PCDHA1: variants seen among roughly 807,000 people sequenced by gnomAD.
The protein encoded by PCDHA1 is protocadherin alpha 1.
Under a neutral mutation model 61.3 loss-of-function variants are expected in PCDHA1, and 42 were observed. The ratio of observed to expected loss-of-function variants is 0.69; its 90% CI spans 0.54 to 0.89. The LOEUF is 0.89. Ranked by LOEUF, PCDHA1 falls within the 40% of genes least tolerant of loss-of-function variation. The probability of loss-of-function intolerance (pLI) is 0.00; values close to 1 mark genes in which losing one functional copy is unlikely to be tolerated. For synonymous variants in PCDHA1, 610 were observed against 553.8 expected, an observed-to-expected ratio of 1.10 and a Z score of -1.43; for missense variants, 1,256 against 1,235.3, an observed-to-expected ratio of 1.02 and a Z score of -0.25.
intron 1 of PCDHA1, chr5:140,850,568 G>T (rs2150489760): frequency 1.3e-6 from 2 of 1,598,448 alleles, no homozygotes; most frequent in South Asian, 2.2e-5. Context: ...GCCCCGAGGT[G>T]ACGCTGGTGG....
chr5:140,801,731 T>G, intron 1 of PCDHA1: 5 of 1,614,130 alleles, frequency 3.1e-6, no homozygotes, highest in Non-Finnish European at 4.2e-6. Flanking sequence ...CTGAATATTT[T>G]ACCTTGGACG....
At chr5:140,845,025 G>A (rs1779666608) in intron 1 of PCDHA1, among the ~76,000 whole-genome samples, 1 of 149,154 alleles carries the variant, frequency 6.7e-6, no homozygotes, top group African/African-American at 2.5e-5. Flanking sequence ...TCATTTATGG[G>A]CATATTTTAG....
In PCDHA1 at chr5:140,846,979, A is replaced by G. The variant is rs2150396342; in HGVS notation, c.2394+58295A>G. On this transcript the variant is annotated intron_variant, in intron 1 of 3. Transcript: ENST00000504120. ...GTGTTTCAGTGGTTTTAAAATAAGT[A>G]AGTTCCCCCCGGGAGAATATTGAGA... Among the ~76,000 whole-genome samples, 3 of 149,618 alleles carry G rather than the reference A, an allele frequency of 2.0e-5. 1 individual carries two copies. The highest frequency in any genetic ancestry group is 3.0e-5 in the Non-Finnish European group (2 of 66,912).
chr5:140,824,222 C>G (rs2150133268), intron 1 of PCDHA1: 1 of 1,556,634 alleles, frequency 6.4e-7, no homozygotes, highest in South Asian at 1.1e-5. Context: ...AAAATTATGT[C>G]TTAGTACACA....
At chr5:140,877,010 A>T (rs1177640704) in intron 1 of PCDHA1, 2 of 1,612,296 alleles carry the variant, frequency 1.2e-6, no homozygotes, top group African/African-American at 2.7e-5. Context: ...GTGCACGCGG[A>T]GAGCGGCAAG....
intron 1 of PCDHA1, chr5:140,852,917 T>A: frequency 1.3e-6 from 1 of 767,560 alleles, no homozygotes; most frequent in Non-Finnish European, 1.6e-6. Context: ...CTCGCTCTGT[T>A]GCCCAGGCTG....
intron 1 of PCDHA1, chr5:140,877,829 C>T (rs1554170159): frequency 1.9e-6 from 3 of 1,594,494 alleles, no homozygotes; most frequent in Non-Finnish European, 2.6e-6. Context: ...TGTTTAAATC[C>T]TCCCAGTGAA....
chr5:140,849,977 G>T (rs2150461190), intron 1 of PCDHA1: 15 of 1,597,540 alleles, frequency 9.4e-6, no homozygotes, highest in East Asian at 4.5e-5. Context: ...CCTACTCGCT[G>T]GTGGAGCGGC....
intron 1 of PCDHA1, among the ~76,000 whole-genome samples, chr5:140,798,031 A>G (rs532072029): frequency 1.3e-5 from 2 of 151,862 alleles, no homozygotes; most frequent in East Asian, 3.9e-4. Flanking sequence ...TTCTTTTTTA[A>G]ATTTTTTATT....
rs782154101 is a variant in PCDHA1, at chr5:140,809,372, G to C, written c.2394+20688G>C. On this transcript the variant is annotated intron_variant, in intron 1 of 3. Coordinates refer to ENST00000504120, the MANE Select transcript of PCDHA1 (RefSeq NM_018900.4). ...GCTGCGGTGCTCTGCGCTGCCCACCGAGGGCGCGTGCGCTCCGGGCAAGCC... is the reference window on the plus strand; with the variant it reads ...GCTGCGGTGCTCTGCGCTGCCCACCCAGGGCGCGTGCGCTCCGGGCAAGCC... 5.0e-6 allele frequency: 8 copies of C among 1,614,010 alleles called. No individual in the cohort carries two copies. The East Asian group carries it at 6.7e-5, about 13-fold the overall frequency.
chr5:140,803,295 T>G, intron 1 of PCDHA1: 1 of 1,614,088 alleles, frequency 6.2e-7, no homozygotes. Flanking sequence ...CAACGTGTAC[T>G]TGATCGTCGC....
chr5:140,909,690 G>T (rs2074638063), intron 1 of PCDHA1, among the ~76,000 whole-genome samples: 1 of 152,280 alleles, frequency 6.6e-6, no homozygotes, highest in African/African-American at 2.4e-5. Context: ...CAATGTGGGG[G>T]TTCTGCTAGC....
chr5:140,904,265 T>C (rs2070995327), intron 1 of PCDHA1, among the ~76,000 whole-genome samples: 1 of 152,118 alleles, frequency 6.6e-6, no homozygotes, highest in Non-Finnish European at 1.5e-5. Context: ...CTCCCACTTA[T>C]GAATGAGAAC....
At chr5:140,809,043 G>A (rs1311161177) in intron 1 of PCDHA1, 1 of 1,613,854 alleles carries the variant, frequency 6.2e-7, no homozygotes, top group Non-Finnish European at 8.5e-7. Context: ...GGTGGCGCGC[G>A]CATCCCGTTC....
chr5:140,848,406 G>C, intron 1 of PCDHA1: 2 of 1,338,990 alleles, frequency 1.5e-6, no homozygotes, highest in Admixed American at 4.3e-5. Context: ...GAACGATGGC[G>C]AACACAGCAG....
chr5:140,993,380 C>G (rs1304300325), intron 3 of PCDHA1, among the ~76,000 whole-genome samples: 1 of 151,860 alleles, frequency 6.6e-6, no homozygotes, highest in Non-Finnish European at 1.5e-5. Context: ...CCAGCCGGGT[C>G]CCTGAAACTC....
chr5:141,007,349 G>C (rs532404832), intron 3 of PCDHA1, among the ~76,000 whole-genome samples: 204 of 144,744 alleles, frequency 1.4e-3, no homozygotes, highest in Middle Eastern at 0.011. Flanking sequence ...TCAGGAGTTC[G>C]AGACCAGCCT....
rs2150416321 is a variant in PCDHA1 at position 140,848,658 on chromosome 5, G to C, written c.2394+59974G>C. On this transcript the variant is annotated intron_variant, in intron 1 of 3. Coordinates refer to ENST00000504120, the MANE Select transcript of PCDHA1 (RefSeq NM_018900.4). ...CCGCATCGCGCAGGACCTGGGGCTG[G>C]AGCTGGCGGAGCTGGTGCCGCGCCT... The C allele has an allele frequency of 2.5e-6, 4 of 1,592,362 alleles. No homozygotes were observed. The highest frequency in any genetic ancestry group is 4.5e-5 in the East Asian group (2 of 44,824).
At chr5:140,814,028 A>G (rs1469923006) in intron 1 of PCDHA1, 2 of 152,870 alleles carry the variant, frequency 1.3e-5, no homozygotes, top group African/African-American at 4.8e-5. Flanking sequence ...TAATAAATTA[A>G]CCTTAGCTTA....
Sources: gnomAD v4.1 joint callset for allele counts (sites outside exome capture counted in the v4.1 genomes callset) on GRCh38, gnomAD v4.1.1 for gene constraint, MANE v1.5 for transcripts, NCBI Gene and HGNC (gene_info 2026-07-23, HGNC 2026-07-21) for gene names.